Variants in TAFA4 observed in about 807,000 individuals in gnomAD.
The protein encoded by TAFA4 is TAFA chemokine like family member 4, also known as chemokine-like protein TAFA-4.
Under a neutral mutation model 21.1 loss-of-function variants are expected in TAFA4, and 20 were observed. The observed-to-expected ratio is 0.95, with a 90% CI of 0.67 to 1.38. TAFA4 has a LOEUF of 1.38. TAFA4 is among the 40% of genes most tolerant of loss of function. The pLI is 0.00. For synonymous variants in TAFA4, 71 were observed against 67.4 expected (o/e 1.05, Z -0.26); for missense variants, 211 against 180.9 (o/e 1.17, Z -0.95).
chr3:68,904,870 G>A lies in TAFA4; in HGVS notation c.-122-19560C>T, dbSNP rs571989270. The stretch of plus-strand genomic sequence containing the variant: ...AGTGCCCTGGGGAATGCCCAGTGAG[G>A]AAGGTGGCAAGAGAATTGGTGAATG... On this transcript the variant is annotated intron_variant, in intron 1 of 5. Coordinates refer to ENST00000295569, the MANE Select transcript of TAFA4 (RefSeq NM_182522.5). Among the ~76,000 whole-genome samples the A allele has an allele frequency of 2.6e-5, 4 of 152,306 alleles. No homozygotes were observed. The South Asian group carries it at 8.3e-4, about 32-fold the overall frequency.
intron 1 of TAFA4, among the ~76,000 whole-genome samples, chr3:68,902,703 C>T (rs749386368): frequency 1.3e-5 from 2 of 152,110 alleles, no homozygotes; most frequent in African/African-American, 2.4e-5. Flanking sequence ...TAGTTACAAC[C>T]TTGTCTTTTG....
rs145068701 is a variant in TAFA4, at chr3:68,784,559, G to C, written c.131-31541C>G. On this transcript the variant is annotated intron_variant, in intron 3 of 5. Coordinates refer to ENST00000295569, the MANE Select transcript of TAFA4 (RefSeq NM_182522.5). ...CTCCCAGTGGGTTTGTGGTCTCGCT[G>C]GCTTCAGGAGTGAAGCTGCAGACCT... is the stretch of plus-strand genomic sequence containing the variant. 1.3e-4 allele frequency among the ~76,000 whole-genome samples: 20 copies of C among 152,238 alleles called. 1 individual carries two copies. In the East Asian group the frequency reaches 3.9e-3, roughly 29 times the overall value.
At chr3:68,733,762 T>A (rs935376028) in intron 5 of TAFA4, among the ~76,000 whole-genome samples, 2 of 152,162 alleles carry the variant, frequency 1.3e-5, no homozygotes, top group Non-Finnish European at 2.9e-5. Flanking sequence ...CATAAGACTT[T>A]AACATGCCTA....
At chr3:68,816,100 G>T (rs1365408476) in intron 3 of TAFA4, among the ~76,000 whole-genome samples, 1 of 152,042 alleles carries the variant, frequency 6.6e-6, no homozygotes, top group Non-Finnish European at 1.5e-5. Context: ...TAACTCATAG[G>T]TGGGACTTGA....
intron 3 of TAFA4, among the ~76,000 whole-genome samples, chr3:68,810,165 A>G (rs1354869152): frequency 1.3e-5 from 2 of 152,180 alleles, no homozygotes; most frequent in African/African-American, 2.4e-5. Context: ...GCTTTGGGTA[A>G]TGTGGACATT....
At chr3:68,808,014 A>G (rs1489997) in intron 3 of TAFA4, among the ~76,000 whole-genome samples, 54,896 of 152,032 alleles carry the variant, frequency 0.36, 10,872 homozygotes, top group Non-Finnish European at 0.45. Context: ...GGTGTTTAAC[A>G]TATGTATATA....
chr3:68,801,560 A>C (rs1331602635), intron 3 of TAFA4, among the ~76,000 whole-genome samples: 2 of 152,208 alleles, frequency 1.3e-5, no homozygotes, highest in African/African-American at 4.8e-5. Context: ...CACAACATGA[A>C]TGTCACCCAG....
chr3:68,824,021 G>A (rs1237037175), intron 3 of TAFA4, among the ~76,000 whole-genome samples: 1 of 152,020 alleles, frequency 6.6e-6, no homozygotes, highest in East Asian at 1.9e-4. Context: ...CCTGCCAAAG[G>A]GATCCATGAC....
intron 3 of TAFA4, among the ~76,000 whole-genome samples, chr3:68,854,502 G>T (rs1464809898): frequency 1.3e-5 from 2 of 152,106 alleles, no homozygotes; most frequent in African/African-American, 2.4e-5. Flanking sequence ...GTTCACAGCT[G>T]CTCTTGTGAG....
At chr3:68,788,859 A>T (rs1179335806) in intron 3 of TAFA4, among the ~76,000 whole-genome samples, 1 of 152,124 alleles carries the variant, frequency 6.6e-6, no homozygotes, top group African/African-American at 2.4e-5. Flanking sequence ...CCTGGGCTCA[A>T]GCTATCCTCC....
chr3:68,824,606 C>A (rs1269993094), intron 3 of TAFA4, among the ~76,000 whole-genome samples: 2 of 152,180 alleles, frequency 1.3e-5, no homozygotes, highest in African/African-American at 4.8e-5. Context: ...GGTAAACATG[C>A]TCATAGGTTC....
intron 1 of TAFA4, among the ~76,000 whole-genome samples, chr3:68,890,692 C>T (rs1057255112): frequency 1.2e-4 from 19 of 152,154 alleles, no homozygotes; most frequent in Non-Finnish European, 2.1e-4. Flanking sequence ...CTGTCTGGTA[C>T]CAAGGTACCT....
At chr3:68,849,309 T>C (rs1349322874) in intron 3 of TAFA4, among the ~76,000 whole-genome samples, 1 of 152,242 alleles carries the variant, frequency 6.6e-6, no homozygotes, top group Non-Finnish European at 1.5e-5. Flanking sequence ...GAATGGGCTC[T>C]GTGAAAGTTT....
intron 3 of TAFA4, among the ~76,000 whole-genome samples, chr3:68,785,307 C>A (rs939801780): frequency 3.9e-5 from 6 of 152,246 alleles, no homozygotes; most frequent in African/African-American, 9.6e-5. Flanking sequence ...CCGCACCATG[C>A]GCCCACACTC....
At chr3:68,917,431 C>A (rs905164146) in intron 1 of TAFA4, among the ~76,000 whole-genome samples, 4 of 152,076 alleles carry the variant, frequency 2.6e-5, no homozygotes, top group African/African-American at 9.7e-5. Flanking sequence ...AGACCTCCCC[C>A]CCTGTGTGTC....
intron 3 of TAFA4, among the ~76,000 whole-genome samples, chr3:68,772,176 C>T (rs1012463707): frequency 1.8e-4 from 28 of 152,094 alleles, no homozygotes; most frequent in Non-Finnish European, 2.6e-4. Flanking sequence ...CCACGTTCAA[C>T]GAAGAGCCTT....
At chr3:68,781,618 T>C (rs1703155577) in intron 3 of TAFA4, among the ~76,000 whole-genome samples, 1 of 152,126 alleles carries the variant, frequency 6.6e-6, no homozygotes, top group African/African-American at 2.4e-5. Flanking sequence ...AAAATTATAC[T>C]TTAAAACCTT....
At chr3:68,755,534 C>T (rs760179871) in intron 3 of TAFA4, among the ~76,000 whole-genome samples, 2 of 152,228 alleles carry the variant, frequency 1.3e-5, no homozygotes, top group Non-Finnish European at 2.9e-5. Context: ...GCTCCCCTGT[C>T]ATCCCCACCA....
At chr3:68,920,177 G>A (rs1170920824) in intron 1 of TAFA4, among the ~76,000 whole-genome samples, 2 of 152,176 alleles carry the variant, frequency 1.3e-5, no homozygotes, top group African/African-American at 4.8e-5. Context: ...TTAAAGGAAT[G>A]AGTGAGACCT....
Sources: allele counts gnomAD v4.1 joint callset (sites outside exome capture counted in the v4.1 genomes callset), GRCh38; gene constraint gnomAD v4.1.1; transcripts MANE v1.5; gene names NCBI Gene and HGNC (gene_info 2026-07-23, HGNC 2026-07-21).